Variants in NLRC5 observed in about 807,000 individuals in gnomAD.
NLRC5 encodes the protein protein NLRC5.
Under a neutral mutation model 206.9 loss-of-function variants are expected in NLRC5, and 114 were observed. That is an observed-to-expected ratio of 0.55 (90% confidence interval 0.47 to 0.64). NLRC5 has a LOEUF of 0.64. NLRC5 is among the 30% of genes least tolerant of loss of function. The pLI, the probability that NLRC5 is intolerant of heterozygous loss-of-function variation, is 0.00. For synonymous variants in NLRC5, 952 were observed against 962.8 expected (o/e 0.99, Z 0.21); for missense variants, 2,008 against 2,305.5 (o/e 0.87, Z 2.64).
In NLRC5 at chr16:57,058,077, C is replaced by G; in HGVS notation, c.3759C>G (p.Asn1253Lys). The change falls in exon 28 of 49, where the codon AAC (asparagine) becomes AAG (lysine). Residue 1253 changes from asparagine (N) to lysine (K), a missense_variant. Coordinates refer to ENST00000688547, the MANE Select transcript of NLRC5 (RefSeq NM_001384950.1). ...TTACCCCCTACAGTCTCTCAGCAAACCTGCTGGGCGACAGCGGACTCAGAT... is the reference window on the plus strand; with the variant it reads ...TTACCCCCTACAGTCTCTCAGCAAAGCTGCTGGGCGACAGCGGACTCAGAT... The part of the protein sequence containing the change: ...KDLSQVDLSA[N>K]LLGDSGLRCL... 1 of 1,612,382 alleles carries G rather than the reference C, an allele frequency of 6.2e-7. No homozygotes were observed. Among genetic ancestry groups the G allele is most frequent in the South Asian group, 1.1e-5 (1 of 90,600 alleles).
intron 15 of NLRC5, among the ~76,000 whole-genome samples, chr16:57,038,120 A>C (rs1399358483): frequency 6.6e-6 from 1 of 152,214 alleles, no homozygotes; most frequent in Non-Finnish European, 1.5e-5. Context: ...AAAAAAAAGA[A>C]AATAGCTGGA....
intron 1 of NLRC5, among the ~76,000 whole-genome samples, chr16:57,014,611 A>G (rs1285384108): frequency 1.3e-5 from 2 of 152,252 alleles, no homozygotes; most frequent in Admixed American, 1.3e-4. Context: ...ATCCTGTTGT[A>G]CATAAAGTGC....
chr16:57,015,218 C>T (rs991323666), intron 1 of NLRC5, among the ~76,000 whole-genome samples: 3 of 152,030 alleles, frequency 2.0e-5, no homozygotes, highest in African/African-American at 4.8e-5. Context: ...CGTGAACCAC[C>T]GCACCCGGCC....
intron 1 of NLRC5, among the ~76,000 whole-genome samples, chr16:57,006,880 C>T (rs1393001235): frequency 1.0e-4 from 6 of 59,376 alleles, no homozygotes; most frequent in South Asian, 5.2e-4. Flanking sequence ...GTCACAAAAC[C>T]GTTAACACAT....
At chr16:57,018,731 A>G (rs535754660) in intron 2 of NLRC5, among the ~76,000 whole-genome samples, 69 of 152,300 alleles carry the variant, frequency 4.5e-4, no homozygotes, top group Middle Eastern at 6.8e-3. Context: ...AAAATAAGGT[A>G]TATAAAGCAC....
chr16:57,043,861 G>T, intron 20 of NLRC5: 1 of 536,778 alleles, frequency 1.9e-6, no homozygotes, highest in Non-Finnish European at 3.3e-6. Flanking sequence ...TGCCTCACTC[G>T]TTCTTTGGAT....
chr16:57,055,486 T>G lies in NLRC5; in HGVS notation c.3713T>G (p.Leu1238Trp). Residue 1238 changes from leucine (L) to tryptophan (W), a missense_variant, in exon 27 of 49, where the codon TTG (leucine) becomes TGG (tryptophan). Leu to Trp is a moderately conservative substitution (Grantham distance 61, BLOSUM62 -2). Transcript: ENST00000688547. The stretch of plus-strand genomic sequence containing the variant: ...GAGCACGTAGAGTCACTCTGCTGGT[T>G]GCTGAGCAAGTGTAAAGACCTCAGC... ...SQEHVESLCW[L>W]LSKCKDLSQV... The G allele has an allele frequency of 1.2e-6, 2 of 1,613,966 alleles. No individual in the cohort carries two copies. Among genetic ancestry groups the G allele is most frequent in the Non-Finnish European group, 1.7e-6 (2 of 1,179,948 alleles).
intron 46 of NLRC5, among the ~76,000 whole-genome samples, chr16:57,079,992 A>T (rs158484): frequency 0.76 from 114,783 of 151,832 alleles, 43,501 homozygotes; most frequent in East Asian, 0.85. Flanking sequence ...TATGAACCAC[A>T]GTTGGTAGAA....
intron 1 of NLRC5, among the ~76,000 whole-genome samples, chr16:57,000,315 C>T (rs1264156042): frequency 6.6e-6 from 1 of 152,124 alleles, no homozygotes; most frequent in Non-Finnish European, 1.5e-5. Flanking sequence ...CTTGGGGGCT[C>T]TTGGTGGAAA....
intron 31 of NLRC5, 28 bp downstream of exon 31, chr16:57,061,559 C>T: frequency 6.2e-7 from 1 of 1,609,242 alleles, no homozygotes; most frequent in African/African-American, 1.3e-5. Flanking sequence ...CCCGTGAGGA[C>T]AGCAGAGGGG....
At chr16:57,077,840 C>T (rs542846407) in intron 42 of NLRC5, 38 bp downstream of exon 42, 5 of 1,588,778 alleles carry the variant, frequency 3.1e-6, no homozygotes, top group East Asian at 4.5e-5. Flanking sequence ...CCTCTGTGCC[C>T]CCCAGGTCCA....
At chr16:57,079,653 G>A (rs762843369) in intron 46 of NLRC5, 24 bp downstream of exon 46, 5 of 1,609,774 alleles carry the variant, frequency 3.1e-6, no homozygotes, top group Non-Finnish European at 4.2e-6. Flanking sequence ...AGAGCCCTGA[G>A]CTGGCTGGGA....
At chr16:57,042,218 GC>G (rs2063373760) in intron 19 of NLRC5, among the ~76,000 whole-genome samples, 153 bp downstream of exon 19, 1 of 152,196 alleles carries the variant, frequency 6.6e-6, no homozygotes, top group Admixed American at 6.5e-5. Flanking sequence ...GTGAAGGCTA[GC>G]TAATAGATGA....
At position 57,070,401 on chromosome 16, in the gene NLRC5, G is replaced by A. The variant is rs199476010; in HGVS notation, c.4584-134G>A. 1.1e-4 allele frequency: 81 copies of A among 706,062 alleles called. No individual in the cohort carries two copies. In the East Asian group the frequency reaches 1.8e-3, roughly 16 times the overall value. 43.7% of individuals were successfully genotyped at this position (706,062 alleles called of 1,614,324 possible). ...GATACCCATGGGGAACCTGGACAGC[G>A]AGGGTGGCCCAGGGCATGCAGATGC... On this transcript the variant is annotated intron_variant, in intron 37 of 48. Coordinates refer to ENST00000688547, the MANE Select transcript of NLRC5 (RefSeq NM_001384950.1).
At chr16:57,051,306 G>T (rs561633530) in intron 23 of NLRC5, among the ~76,000 whole-genome samples, 1 of 152,346 alleles carries the variant, frequency 6.6e-6, no homozygotes, top group South Asian at 2.1e-4. Context: ...CAGCCTCAGA[G>T]AAGCCCTGCA....
At chr16:57,013,496 A>T in intron 1 of NLRC5, 1 of 762,300 alleles carries the variant, frequency 1.3e-6, no homozygotes, top group South Asian at 1.4e-5. Flanking sequence ...GTGAGCACAG[A>T]TTCCATTGGC....
chr16:57,039,111 A>C (rs1386744435), intron 15 of NLRC5, among the ~76,000 whole-genome samples: 9 of 152,238 alleles, frequency 5.9e-5, no homozygotes, highest in Non-Finnish European at 1.2e-4. Context: ...TTATTGCACT[A>C]GAAAATGGAA....
At chr16:57,012,681 CCCCCAA>C (rs1162069841) in intron 1 of NLRC5, among the ~76,000 whole-genome samples, 2 of 152,148 alleles carry the variant, frequency 1.3e-5, no homozygotes, top group East Asian at 3.9e-4. Flanking sequence ...CCGAATCCAT[CCCCCAA>C]CCCCAACCCC....
At chr16:57,000,419 T>C (rs553740727) in intron 1 of NLRC5, among the ~76,000 whole-genome samples, 1 of 152,198 alleles carries the variant, frequency 6.6e-6, no homozygotes, top group South Asian at 2.1e-4. Context: ...GGGTTTCCAA[T>C]GACCAGAAGA....
Sources: allele counts gnomAD v4.1 joint callset (sites outside exome capture counted in the v4.1 genomes callset), GRCh38; gene constraint gnomAD v4.1.1; transcripts MANE v1.5; gene names NCBI Gene and HGNC (gene_info 2026-07-23, HGNC 2026-07-21).